The following RIMKLA variants were observed in gnomAD, a reference collection of about 807,000 sequenced individuals.
The protein encoded by RIMKLA is ribosomal modification protein rimK like family member A, also known as N-acetylaspartylglutamate synthase A.
Under a neutral mutation model 32.7 loss-of-function variants are expected in RIMKLA, and 14 were observed. That is an observed-to-expected ratio of 0.43 (90% CI 0.28 to 0.67). The LOEUF (loss-of-function observed/expected upper bound fraction) is 0.67. Ranked by LOEUF, RIMKLA falls within the 30% of genes least tolerant of loss-of-function variation. The pLI is 0.18. For synonymous variants in RIMKLA, 176 were observed against 204.1 expected, an observed-to-expected ratio of 0.86 and a Z score of 1.18; for missense variants, 410 against 519.0, an observed-to-expected ratio of 0.79 and a Z score of 2.04.
At chr1:42,384,562 TAC>T (rs1642919630) in intron 1 of RIMKLA, among the ~76,000 whole-genome samples, 1 of 147,716 alleles carries the variant, frequency 6.8e-6, no homozygotes, top group African/African-American at 2.5e-5. Context: ...TGTGTATATA[TAC>T]ATATATATGT....
chr1:42,395,032 C>G (rs766120178), intron 1 of RIMKLA, among the ~76,000 whole-genome samples: 8 of 152,200 alleles, frequency 5.3e-5, no homozygotes, highest in Non-Finnish European at 1.2e-4. Context: ...AGCCACTGTG[C>G]CCCGCCTAGT....
chr1:42,390,036 C>CTTTT (rs35754511), intron 1 of RIMKLA, among the ~76,000 whole-genome samples: 3 of 111,684 alleles, frequency 2.7e-5, no homozygotes, highest in Non-Finnish European at 3.6e-5. Flanking sequence ...TTTTCTTTTC[C>CTTTT]TTTTTTTTTT....
intron 1 of RIMKLA, among the ~76,000 whole-genome samples, chr1:42,397,451 A>G (rs991698192): frequency 2.6e-5 from 4 of 152,244 alleles, no homozygotes; most frequent in Admixed American, 1.3e-4. Context: ...GCCTGGGCAC[A>G]GTGGCTTATG....
chr1:42,406,052 T>C (rs186484138), intron 3 of RIMKLA, among the ~76,000 whole-genome samples: 16 of 152,304 alleles, frequency 1.1e-4, no homozygotes, highest in African/African-American at 3.6e-4. Context: ...AAAATACACA[T>C]AAAATTCACA....
chr1:42,421,518 C>T lies in RIMKLA; in HGVS notation c.*6544C>T, dbSNP rs1180707925. ...AAAATTCTGCTGTCCTGGGCCTATC[C>T]GGAGTGGGACTCCCGTAATCTCCTA... On this transcript the variant is annotated 3_prime_UTR_variant, in exon 5 of 5. Coordinates refer to ENST00000431473, the MANE Select transcript of RIMKLA (RefSeq NM_173642.4). This position sits in a 1 kb window ranked among gnomAD's most constrained non-coding sequence, Gnocchi z 4.6. The T allele has an allele frequency of 4.6e-5, 7 of 152,190 alleles. No homozygotes were observed. The highest frequency in any genetic ancestry group is 1.9e-4 in the East Asian group (1 of 5,182). 9.4% of individuals were successfully genotyped at this position (152,190 alleles called of 1,614,324 possible). A position where few individuals can be genotyped will look rare whatever the true frequency, so the allele number is the denominator to read the frequency against.
In RIMKLA at chr1:42,420,138, G is replaced by A. The variant is rs1643282772; in HGVS notation, c.*5164G>A. ...GACATCCAGAGAGGTCTGATAACTGGGCTCTGTTTCTGAACCTCTAGATTT... is the reference window on the plus strand; with the variant it reads ...GACATCCAGAGAGGTCTGATAACTGAGCTCTGTTTCTGAACCTCTAGATTT... On this transcript the variant is annotated 3_prime_UTR_variant, in exon 5 of 5. Transcript: ENST00000431473. 1 of 152,114 alleles carries A rather than the reference G, an allele frequency of 6.6e-6. No individual in the cohort carries two copies. The highest frequency in any genetic ancestry group is 2.4e-5 in the African/African-American group (1 of 41,418). 9.4% of individuals were successfully genotyped at this position (152,114 alleles called of 1,614,324 possible). A position where few individuals can be genotyped will look rare whatever the true frequency, so the allele number is the denominator to read the frequency against.
chr1:42,414,644 C>T lies in RIMKLA; in HGVS notation c.846C>T (p.Ala282=). ...CAAATGCTAATGTTGGCTTCCTAGCCTTTGACCAGGCATGCAACTTAGATG... is the reference window on the plus strand; with the variant it reads ...CAAATGCTAATGTTGGCTTCCTAGCTTTTGACCAGGCATGCAACTTAGATG... The part of the protein sequence containing the change: ...CEANANVGFL[A]FDQACNLDVG... The change falls in exon 5 of 5, where the codon GCC becomes GCT. Residue 282 remains alanine, a synonymous_variant. Coordinates refer to ENST00000431473, the MANE Select transcript of RIMKLA (RefSeq NM_173642.4). 1 of 1,614,238 alleles carries T rather than the reference C, an allele frequency of 6.2e-7. No individual in the cohort carries two copies.
chr1:42,404,392 A>G, intron 2 of RIMKLA, 119 bp from the exon 3 acceptor site: 2 of 705,470 alleles, frequency 2.8e-6, no homozygotes, highest in Non-Finnish European at 5.1e-6. Context: ...ACTGGGTTTG[A>G]ATGGCCTTAA....
At chr1:42,401,945 G>A (rs1249974808) in intron 2 of RIMKLA, among the ~76,000 whole-genome samples, 1 of 152,184 alleles carries the variant, frequency 6.6e-6, no homozygotes, top group Non-Finnish European at 1.5e-5. Context: ...CAGTGGGCCA[G>A]GGATGGATTA....
chr1:42,415,169 C>T lies in RIMKLA; in HGVS notation c.*195C>T. On this transcript the variant is annotated 3_prime_UTR_variant, in exon 5 of 5. Coordinates refer to ENST00000431473, the MANE Select transcript of RIMKLA (RefSeq NM_173642.4). The stretch of plus-strand genomic sequence containing the variant: ...TTTTACAAAGACAAATATAAAAACA[C>T]TCAAGAACAACGTCCCGACTGATCA... The T allele has an allele frequency of 1.8e-6, 1 of 567,570 alleles. No individual in the cohort carries two copies. The highest frequency in any genetic ancestry group is 3.0e-6 in the Non-Finnish European group (1 of 335,486). 35.2% of individuals were successfully genotyped at this position (567,570 alleles called of 1,614,324 possible).
chr1:42,399,699 C>G, intron 2 of RIMKLA, 65 bp downstream of exon 2: 2 of 993,294 alleles, frequency 2.0e-6, no homozygotes, highest in South Asian at 1.5e-5. Flanking sequence ...TAGAAACCTT[C>G]TAGTATCTTT....
chr1:42,389,055 C>G (rs1020267702), intron 1 of RIMKLA, among the ~76,000 whole-genome samples: 1 of 152,166 alleles, frequency 6.6e-6, no homozygotes, highest in Non-Finnish European at 1.5e-5. Flanking sequence ...CAGGATTTGA[C>G]TACTGGATCA....
Position 42,385,811 on chromosome 1 carries a change from C to G in RIMKLA, c.163+4714C>G, listed in dbSNP as rs1032075878. ...TGTTTCTTTCTTTCTCTCTCTCTTT[C>G]CTTCCTTCCTTCCTTCCTTTCTTTC... On this transcript the variant is annotated intron_variant, in intron 1 of 4. Coordinates refer to ENST00000431473, the MANE Select transcript of RIMKLA (RefSeq NM_173642.4). Among the ~76,000 whole-genome samples, 17 of 81,560 alleles carry G rather than the reference C, an allele frequency of 2.1e-4. 1 individual carries two copies. The highest frequency in any genetic ancestry group is 6.4e-4 in the African/African-American group (16 of 25,114). The allele number at this position is 81,560 out of a possible 152,430, so 53.5% of individuals were successfully genotyped here.
rs183064092 is a variant in RIMKLA, at chr1:42,407,424, T to C, written c.482-2560T>C. Among the ~76,000 whole-genome samples the C allele has an allele frequency of 1.9e-3, 293 of 152,282 alleles. 1 individual carries two copies. The highest frequency in any genetic ancestry group is 3.1e-3 in the Non-Finnish European group (209 of 68,016). Reference sequence around the variant, plus strand: ...AATCCAAAGCCACACAGACTTACATTTATGTTGCCTTCTAAAAGCTTCATA... The same window carrying C: ...AATCCAAAGCCACACAGACTTACATCTATGTTGCCTTCTAAAAGCTTCATA... On this transcript the variant is annotated intron_variant, in intron 3 of 4. Coordinates refer to ENST00000431473, the MANE Select transcript of RIMKLA (RefSeq NM_173642.4).
At position 42,418,541 on chromosome 1, in the gene RIMKLA, G is replaced by T. The variant is rs1643270014; in HGVS notation, c.*3567G>T. The stretch of plus-strand genomic sequence containing the variant: ...GGATGATTTGGAATTCTAGTAGGAA[G>T]GAGGAAAAAATGGCTCTTCTGTGGG... On this transcript the variant is annotated 3_prime_UTR_variant, in exon 5 of 5. Transcript: ENST00000431473. 1 of 152,148 alleles carries T rather than the reference G, an allele frequency of 6.6e-6. No homozygotes were observed. Among genetic ancestry groups the T allele is most frequent in the Non-Finnish European group, 1.5e-5 (1 of 68,034 alleles). The allele number at this position is 152,148 out of a possible 1,614,324, so 9.4% of individuals were successfully genotyped here.
At chr1:42,408,744 C>T (rs1305625505) in intron 3 of RIMKLA, among the ~76,000 whole-genome samples, 9 of 152,058 alleles carry the variant, frequency 5.9e-5, no homozygotes, top group African/African-American at 1.9e-4. Flanking sequence ...TTTATTAGGA[C>T]TTCAGAAGAG....
chr1:42,381,656 T>C (rs1642890534), intron 1 of RIMKLA, among the ~76,000 whole-genome samples: 1 of 151,938 alleles, frequency 6.6e-6, no homozygotes, highest in South Asian at 2.1e-4. Flanking sequence ...AGACCTTTGA[T>C]GGGTTTAACT....
intron 3 of RIMKLA, among the ~76,000 whole-genome samples, chr1:42,409,229 AAAGC>A (rs1185166957): frequency 7.3e-6 from 1 of 137,412 alleles, no homozygotes; most frequent in Non-Finnish European, 1.6e-5. Flanking sequence ...AAAAAAAAAA[AAAGC>A]TGATGCTAAA....
chr1:42,414,671 G>T lies in RIMKLA; in HGVS notation c.873G>T (p.Val291=), dbSNP rs1435152069. Residue 291 remains valine, a synonymous_variant, in exon 5 of 5, where the codon GTG becomes GTT. Transcript: ENST00000431473. The part of the protein sequence containing the change: ...LAFDQACNLD[V]GGIIADYTMS... The stretch of plus-strand genomic sequence containing the variant: ...TTGACCAGGCATGCAACTTAGATGT[G>T]GGTGGGATCATTGCAGACTATACCA... 6.2e-7 allele frequency: 1 copy of T among 1,614,068 alleles called. No individual in the cohort carries two copies. The highest frequency in any genetic ancestry group is 8.5e-7 in the Non-Finnish European group (1 of 1,180,020).
Sources: gnomAD v4.1 joint callset for allele counts (sites outside exome capture counted in the v4.1 genomes callset) on GRCh38, gnomAD v4.1.1 for gene constraint, Gnocchi (gnomAD v3.1) non-coding constraint, MANE v1.5 for transcripts, NCBI Gene and HGNC (gene_info 2026-07-23, HGNC 2026-07-21) for gene names.